The following TBCD variants were observed in gnomAD, a reference collection of about 807,000 sequenced individuals.
TBCD encodes the protein tubulin-specific chaperone D.
TBCD carries 105 observed loss-of-function variants against 169.3 expected under a neutral mutation model. The observed-to-expected ratio is 0.62, with a 90% CI of 0.53 to 0.73. The LOEUF is 0.73. Ranked by LOEUF, TBCD falls within the 30% of genes least tolerant of loss-of-function variation. The probability of loss-of-function intolerance (pLI) is 0.00; values close to 1 mark genes in which losing one functional copy is unlikely to be tolerated. For synonymous variants in TBCD, 700 were observed against 643.9 expected, an observed-to-expected ratio of 1.09 and a Z score of -1.32; for missense variants, 1,444 against 1,600.1, an observed-to-expected ratio of 0.90 and a Z score of 1.66.
At chr17:82,887,173 G>GCGCGCA (rs1555632459) in intron 15 of TBCD, among the ~76,000 whole-genome samples, 2 of 66,916 alleles carry the variant, frequency 3.0e-5, no homozygotes, top group African/African-American at 9.6e-5. Context: ...GTGTGTGCGC[G>GCGCGCA]CGCGCGCACG....
At chr17:82,844,005 T>A (rs748660858) in intron 13 of TBCD, among the ~76,000 whole-genome samples, 1 of 151,780 alleles carries the variant, frequency 6.6e-6, no homozygotes, top group African/African-American at 2.4e-5. Flanking sequence ...TCAGTAGTCT[T>A]AGTTTTCTTA....
chr17:82,891,282 T>C (rs2059119317), intron 16 of TBCD, among the ~76,000 whole-genome samples: 1 of 152,226 alleles, frequency 6.6e-6, no homozygotes, highest in Non-Finnish European at 1.5e-5. Context: ...GAAAGGCCTT[T>C]ACACTTGGTC....
intron 11 of TBCD, among the ~76,000 whole-genome samples, chr17:82,809,086 C>T (rs2051234709): frequency 6.6e-6 from 1 of 152,074 alleles, no homozygotes; most frequent in African/African-American, 2.4e-5. Flanking sequence ...TGCAGGGGCT[C>T]ACATAGGCCT....
At chr17:82,921,635 C>G in intron 25 of TBCD, 58 bp downstream of exon 25, 3 of 1,533,256 alleles carry the variant, frequency 2.0e-6, no homozygotes, top group Non-Finnish European at 2.7e-6. Flanking sequence ...GTGTTAGTCA[C>G]GGATGGTGTT....
Position 82,927,888 on chromosome 17 carries a change from T to C in TBCD, c.2610-17T>C. 6.2e-7 allele frequency: 1 copy of C among 1,611,608 alleles called. No individual in the cohort carries two copies. The highest frequency in any genetic ancestry group is 8.5e-7 in the Non-Finnish European group (1 of 1,178,150). On this transcript the variant is annotated splice_polypyrimidine_tract_variant and intron_variant, in intron 29 of 38. Transcript: ENST00000355528. Reference sequence around the variant, plus strand: ...CCCTCTCAAGCTGGGTGTCTCTGCCTCTCCTTGTCCCATCAGGGTCCGCAA... The same window carrying C: ...CCCTCTCAAGCTGGGTGTCTCTGCCCCTCCTTGTCCCATCAGGGTCCGCAA...
In TBCD at chr17:82,915,819, C is replaced by A. The variant is rs960396807; in HGVS notation, c.2038+4030C>A. ...GAGGGACTGGTGAGCCTTGAGTCGGCCACAGGTGTGTGGAGGATCGTGACT... is the reference window on the plus strand; with the variant it reads ...GAGGGACTGGTGAGCCTTGAGTCGGACACAGGTGTGTGGAGGATCGTGACT... On this transcript the variant is annotated intron_variant, in intron 23 of 38. Coordinates refer to ENST00000355528, the MANE Select transcript of TBCD (RefSeq NM_005993.5). The surrounding 1 kb of genome is among the most constrained non-coding windows in gnomAD (Gnocchi z 4.3). Among the ~76,000 whole-genome samples, 5 of 152,090 alleles carry A rather than the reference C, an allele frequency of 3.3e-5. No homozygotes were observed. Among genetic ancestry groups the A allele is most frequent in the Non-Finnish European group, 7.4e-5 (5 of 68,004 alleles).
At chr17:82,758,395 A>AAAAAT (rs1555672601) in intron 2 of TBCD, among the ~76,000 whole-genome samples, 4 of 129,662 alleles carry the variant, frequency 3.1e-5, no homozygotes, top group Admixed American at 1.5e-4. Flanking sequence ...AAAAAAAAAA[A>AAAAAT]AAAAAAAATA....
At position 82,832,111 on chromosome 17, in the gene TBCD, A is replaced by T; in HGVS notation, c.1318+17177A>T. The T allele has an allele frequency of 1.9e-6, 3 of 1,614,186 alleles. No individual in the cohort carries two copies. Among genetic ancestry groups the T allele is most frequent in the Non-Finnish European group, 2.5e-6 (3 of 1,180,022 alleles). Reference sequence around the variant, plus strand: ...GTGGGTTCCCCGGGCTTGCAGCTCCAGGTTTTCCTTGATGTCTTCCCTGGC... The same window carrying T: ...GTGGGTTCCCCGGGCTTGCAGCTCCTGGTTTTCCTTGATGTCTTCCCTGGC... On this transcript the variant is annotated intron_variant, in intron 13 of 38. Transcript: ENST00000355528. This position sits in a 1 kb window ranked among gnomAD's most constrained non-coding sequence, Gnocchi z 4.9.
In TBCD at chr17:82,929,561, T is replaced by A. The variant is rs751894837; in HGVS notation, c.2991+61T>A. 3 of 1,589,056 alleles carry A rather than the reference T, an allele frequency of 1.9e-6. No homozygotes were observed. In the South Asian group the frequency reaches 3.3e-5, roughly 18 times the overall value. ...GCTCCAGGAGTGCCTGGTGCTTCCC[T>A]GTCTCTTGGGAGCATGTATGGAGCT... is the stretch of plus-strand genomic sequence containing the variant. On this transcript the variant is annotated intron_variant, in intron 32 of 38. Transcript: ENST00000355528.
intron 6 of TBCD, among the ~76,000 whole-genome samples, chr17:82,776,876 TCGCTGATTGCAGGTATTTAATTGGCATCA>T (rs1315384281): frequency 6.6e-6 from 1 of 152,160 alleles, no homozygotes; most frequent in Non-Finnish European, 1.5e-5. Context: ...AAACATGGTG[TCGCTGATTGCAGGTATTTAATTGGCATCA>T]CGCTGATTGC....
At chr17:82,810,098 C>T (rs549797935) in intron 12 of TBCD, among the ~76,000 whole-genome samples, 239 of 152,240 alleles carry the variant, frequency 1.6e-3, no homozygotes, top group African/African-American at 4.8e-3. Flanking sequence ...GTGGGAGGTT[C>T]GGGTCTACCC....
At chr17:82,900,206 C>G (rs144488073) in intron 17 of TBCD, among the ~76,000 whole-genome samples, 4 of 152,344 alleles carry the variant, frequency 2.6e-5, no homozygotes, top group African/African-American at 7.2e-5. Context: ...GGTCCTCCCC[C>G]ACCCTGAGGC....
At chr17:82,911,701 A>G in intron 22 of TBCD, 57 bp from the exon 23 acceptor site, 3 of 1,549,668 alleles carry the variant, frequency 1.9e-6, no homozygotes, top group Non-Finnish European at 2.7e-6. Flanking sequence ...AGCATATTTC[A>G]TGGTGTTTTA....
chr17:82,911,980 T>C (rs2060678589), intron 23 of TBCD, among the ~76,000 whole-genome samples, 191 bp downstream of exon 23: 1 of 151,726 alleles, frequency 6.6e-6, no homozygotes. Flanking sequence ...GATTGAGAGA[T>C]TGAGATTGAG....
intron 16 of TBCD, among the ~76,000 whole-genome samples, chr17:82,892,076 G>A (rs2059179525): frequency 6.6e-6 from 1 of 152,092 alleles, no homozygotes; most frequent in African/African-American, 2.4e-5. Context: ...GGGCAGCTGA[G>A]CCCGCTTTTG....
intron 12 of TBCD, among the ~76,000 whole-genome samples, chr17:82,812,661 C>T (rs2051540083): frequency 6.6e-6 from 1 of 152,222 alleles, no homozygotes. Flanking sequence ...TCCCCTGCCG[C>T]AGCCCCCAAG....
intron 7 of TBCD, among the ~76,000 whole-genome samples, chr17:82,796,792 C>A (rs1036242505): frequency 3.3e-5 from 5 of 152,218 alleles, no homozygotes; most frequent in African/African-American, 1.2e-4. Flanking sequence ...TTCTATTCTA[C>A]ACTTAAGTAA....
In TBCD at chr17:82,945,770, C is replaced by T. The variant is rs1306960677; in HGVS notation, c.*3307C>T. On this transcript the variant is annotated 3_prime_UTR_variant, in exon 39 of 39. Coordinates refer to ENST00000355528, the MANE Select transcript of TBCD (RefSeq NM_005993.5). ...AAAAAGAAAAAAAAATGTCTCCAGA[C>T]ACTGCCAAATATCTTCTGGGGGTGC... The T allele has an allele frequency of 6.6e-6, 1 of 152,184 alleles. No individual in the cohort carries two copies. Among genetic ancestry groups the T allele is most frequent in the East Asian group, 1.9e-4 (1 of 5,202 alleles). 9.4% of individuals were successfully genotyped at this position (152,184 alleles called of 1,614,324 possible). A position where few individuals can be genotyped will look rare whatever the true frequency, so the allele number is the denominator to read the frequency against.
chr17:82,902,824 G>A (rs1227574686), intron 18 of TBCD, among the ~76,000 whole-genome samples: 1 of 152,212 alleles, frequency 6.6e-6, no homozygotes, highest in Non-Finnish European at 1.5e-5. Flanking sequence ...GAGGGGCTGG[G>A]GCATGAGCTC....
Sources: allele counts gnomAD v4.1 joint callset (sites outside exome capture counted in the v4.1 genomes callset), GRCh38; gene constraint gnomAD v4.1.1; non-coding constraint Gnocchi (gnomAD v3.1); transcripts MANE v1.5; gene names NCBI Gene and HGNC (gene_info 2026-07-23, HGNC 2026-07-21).